The following EYS variants were observed in gnomAD, a reference collection of about 807,000 sequenced individuals.
EYS encodes the protein protein eyes shut homolog.
In EYS, 250 loss-of-function variants were observed where a neutral mutation model predicts 282.1. The observed-to-expected ratio is 0.89, with a 90% CI of 0.80 to 0.98. The LOEUF is 0.98. Among genes scored for constraint, EYS ranks in the 50% least tolerant of loss-of-function variants. The pLI is 0.00. For missense variants in EYS, 4,016 were observed against 3,709.0 expected (o/e 1.08, Z -2.15); for synonymous variants, 1,355 against 1,282.9 (o/e 1.06, Z -1.20).
In EYS at chr6:64,034,681, A is replaced by T. The variant is rs775194634; in HGVS notation, c.6725+31657T>A. Among the ~76,000 whole-genome samples, 3 of 152,164 alleles carry T rather than the reference A, an allele frequency of 2.0e-5. No homozygotes were observed. In the South Asian group the frequency reaches 6.2e-4, roughly 32 times the overall value. ...ATTCCCATGTGCGACCAAGTTTGGG[A>T]ATCTCTGTACTATGCTATGCTGTCT... On this transcript the variant is annotated intron_variant, in intron 33 of 42. Transcript: ENST00000503581.
At chr6:64,031,840 C>G (rs1769859081) in intron 33 of EYS, among the ~76,000 whole-genome samples, 1 of 152,150 alleles carries the variant, frequency 6.6e-6, no homozygotes, top group Admixed American at 6.5e-5. Context: ...CAAAACAGAC[C>G]ACTCGGCTCT....
intron 12 of EYS, among the ~76,000 whole-genome samples, chr6:65,230,146 GTTC>G (rs1315741580): frequency 2.0e-5 from 3 of 151,838 alleles, no homozygotes; most frequent in Non-Finnish European, 2.9e-5. Context: ...TTAAACAACT[GTTC>G]TTCTAATAAC....
At chr6:64,015,308 G>A (rs1055533811) in intron 33 of EYS, among the ~76,000 whole-genome samples, 8 of 152,056 alleles carry the variant, frequency 5.3e-5, no homozygotes, top group African/African-American at 1.7e-4. Flanking sequence ...AATCACTGAT[G>A]GTTAGAGACA....
chr6:65,298,374 G>T (rs941149258), intron 11 of EYS, among the ~76,000 whole-genome samples: 2 of 152,110 alleles, frequency 1.3e-5, no homozygotes, highest in African/African-American at 4.8e-5. Flanking sequence ...TTATTAAGAG[G>T]AAGATTTAAT....
intron 41 of EYS, among the ~76,000 whole-genome samples, chr6:63,738,819 CA>C (rs1355555976): frequency 2.6e-5 from 4 of 152,074 alleles, no homozygotes; most frequent in Non-Finnish European, 4.4e-5. Flanking sequence ...CTACGTCAGG[CA>C]AAAGTATTCA....
chr6:64,516,418 C>A (rs1777561573), intron 26 of EYS, among the ~76,000 whole-genome samples: 1 of 151,704 alleles, frequency 6.6e-6, no homozygotes, highest in South Asian at 2.1e-4. Context: ...ACCCGTGTAA[C>A]AAATCTGCAC....
At chr6:64,404,666 C>G (rs990099638) in intron 28 of EYS, among the ~76,000 whole-genome samples, 1 of 152,106 alleles carries the variant, frequency 6.6e-6, no homozygotes, top group South Asian at 2.1e-4. Flanking sequence ...ATGCATCAAA[C>G]ATCAAGATGC....
At chr6:63,742,217 C>T (rs928246676) in intron 41 of EYS, among the ~76,000 whole-genome samples, 2 of 152,146 alleles carry the variant, frequency 1.3e-5, no homozygotes, top group Non-Finnish European at 2.9e-5. Context: ...AGACAACTTA[C>T]CTTTCTGGTC....
chr6:64,959,076 G>T (rs1168756622), intron 14 of EYS, among the ~76,000 whole-genome samples: 2 of 152,164 alleles, frequency 1.3e-5, no homozygotes, highest in Admixed American at 6.5e-5. Context: ...ACCAGTAGGG[G>T]TAAGATGGGG....
At chr6:63,803,915 A>C (rs1042486586) in intron 37 of EYS, among the ~76,000 whole-genome samples, 3 of 152,202 alleles carry the variant, frequency 2.0e-5, no homozygotes, top group African/African-American at 7.2e-5. Flanking sequence ...GTAGAGAATA[A>C]CTTGGATGGG....
intron 35 of EYS, among the ~76,000 whole-genome samples, chr6:63,975,431 T>C (rs751646635): frequency 2.0e-5 from 3 of 152,000 alleles, no homozygotes; most frequent in Non-Finnish European, 2.9e-5. Context: ...TTTCTAAACA[T>C]GGATGTTCTA....
At chr6:64,829,069 A>C (rs945386662) in intron 19 of EYS, among the ~76,000 whole-genome samples, 1 of 147,544 alleles carries the variant, frequency 6.8e-6, no homozygotes, top group Non-Finnish European at 1.5e-5. Flanking sequence ...AGGTAGTGGC[A>C]AATGACATGG....
At chr6:64,551,038 A>T (rs534399248) in intron 26 of EYS, among the ~76,000 whole-genome samples, 3 of 152,150 alleles carry the variant, frequency 2.0e-5, no homozygotes, top group Non-Finnish European at 2.9e-5. Flanking sequence ...TAGTAGCTTC[A>T]CACTTTTTCT....
At chr6:63,982,469 A>C (rs537051677) in intron 35 of EYS, among the ~76,000 whole-genome samples, 1 of 151,914 alleles carries the variant, frequency 6.6e-6, no homozygotes, top group East Asian at 1.9e-4. Context: ...TGAGGGATTC[A>C]ATATTTGCTG....
chr6:65,398,368 TG>T (rs1766367365), intron 7 of EYS, among the ~76,000 whole-genome samples: 1 of 151,988 alleles, frequency 6.6e-6, no homozygotes, highest in Middle Eastern at 3.4e-3. Flanking sequence ...AAATATACAT[TG>T]GGGAAAGAAC....
chr6:65,629,693 C>T (rs1268086204), intron 2 of EYS, among the ~76,000 whole-genome samples: 1 of 152,106 alleles, frequency 6.6e-6, no homozygotes, highest in Non-Finnish European at 1.5e-5. Flanking sequence ...AGACGGCCTT[C>T]AGGTTTCCTC....
intron 39 of EYS, among the ~76,000 whole-genome samples, chr6:63,781,920 T>A (rs973121634): frequency 1.3e-5 from 2 of 152,210 alleles, no homozygotes; most frequent in African/African-American, 4.8e-5. Context: ...TTGAGATACA[T>A]CCCATCAATA....
Position 65,088,938 on chromosome 6 carries a change from G to A in EYS, c.2024-31211C>T, listed in dbSNP as rs148923937. 7.3e-3 allele frequency among the ~76,000 whole-genome samples: 1,111 copies of A among 152,236 alleles called. 12 individuals are homozygous for A. The highest frequency in any genetic ancestry group is 0.021 in the South Asian group (100 of 4,806). ...GTACATCTCGTGACATTGCTTCAGA[G>A]GGTGCAGGCCACAGGCTTTGGCAGT... is the stretch of plus-strand genomic sequence containing the variant. On this transcript the variant is annotated intron_variant, in intron 12 of 42. Transcript: ENST00000503581.
chr6:64,370,216 T>G (rs531140338), intron 29 of EYS, among the ~76,000 whole-genome samples: 25 of 152,224 alleles, frequency 1.6e-4, no homozygotes, highest in African/African-American at 5.8e-4. Context: ...CCTAGTTTGT[T>G]GAGGGTTTTT....
Sources: allele counts gnomAD v4.1 joint callset (sites outside exome capture counted in the v4.1 genomes callset), GRCh38; gene constraint gnomAD v4.1.1; transcripts MANE v1.5; gene names NCBI Gene and HGNC (gene_info 2026-07-23, HGNC 2026-07-21).